SUPT5H: variants seen among roughly 807,000 people sequenced by gnomAD.
SUPT5H encodes SPT5 homolog, DSIF elongation factor subunit.
SUPT5H carries 24 observed loss-of-function variants against 142.5 expected under a neutral mutation model. The ratio of observed to expected loss-of-function variants is 0.17; its 90% CI spans 0.12 to 0.24. The LOEUF (loss-of-function observed/expected upper bound fraction) is 0.24. Ranked by LOEUF, SUPT5H falls within the 10% of genes least tolerant of loss-of-function variation. The probability of loss-of-function intolerance (pLI) is 1.00; values close to 1 mark genes in which losing one functional copy is unlikely to be tolerated. For synonymous variants in SUPT5H, 546 were observed against 553.0 expected, an observed-to-expected ratio of 0.99 and a Z score of 0.18; for missense variants, 893 against 1,471.8, an observed-to-expected ratio of 0.61 and a Z score of 6.43.
At position 39,458,681 on chromosome 19, in the gene SUPT5H, G is replaced by C. The variant is rs962310896; in HGVS notation, c.320-137G>C. ...AGTAGGACAGAGTAGGGGATGAGGG[G>C]TTGGGATTTCCTCTGTGAGATGTCA... On this transcript the variant is annotated intron_variant, in intron 5 of 29. Transcript: ENST00000432763. The surrounding 1 kb of genome is among the most constrained non-coding windows in gnomAD (Gnocchi z 4.2). 4.8e-6 allele frequency: 4 copies of C among 827,850 alleles called. No individual in the cohort carries two copies. Among genetic ancestry groups the C allele is most frequent in the South Asian group, 1.8e-5 (1 of 55,744 alleles). The allele number at this position is 827,850 out of a possible 1,614,324, so 51.3% of individuals were successfully genotyped here. A position where few individuals can be genotyped will look rare whatever the true frequency, so the allele number is the denominator to read the frequency against.
In SUPT5H at chr19:39,468,847, G is replaced by C. The variant is rs996288453; in HGVS notation, c.1129G>C (p.Ala377Pro). ...SRKGFLFKSF[A>P]MSAVITEGVK... is the part of the protein sequence containing the mutation. ...GAAGGGCTTTCTGTTCAAGAGCTTC[G>C]CCATGTCTGCTGTGGTGAGGGTCCC... is the stretch of plus-strand genomic sequence containing the variant. Residue 377 changes from alanine (A) to proline (P), a missense_variant, in exon 14 of 30, where the codon GCC (alanine) becomes CCC (proline). Around this residue, in one of 6 missense-constraint regions of SUPT5H, gnomAD observed 428 missense variants for 763.5 expected, o/e 0.56. Coordinates refer to ENST00000432763, the MANE Select transcript of SUPT5H (RefSeq NM_001111020.3). The C allele has an allele frequency of 6.2e-7, 1 of 1,614,100 alleles. No individual in the cohort carries two copies. Among genetic ancestry groups the C allele is most frequent in the South Asian group, 1.1e-5 (1 of 91,078 alleles).
At chr19:39,452,420 T>G (rs1282247773) in intron 2 of SUPT5H, among the ~76,000 whole-genome samples, 2 of 151,866 alleles carry the variant, frequency 1.3e-5, no homozygotes, top group East Asian at 3.9e-4. Flanking sequence ...TGATGTCAGA[T>G]TTGAAGGGGT....
rs1450818975 is a variant in SUPT5H at position 39,472,491 on chromosome 19, G to C, written c.2033G>C (p.Gly678Ala). The C allele has an allele frequency of 1.2e-6, 2 of 1,613,982 alleles. No individual in the cohort carries two copies. Among genetic ancestry groups the C allele is most frequent in the East Asian group, 4.5e-5 (2 of 44,894 alleles). ...RISSPMHPSA[G>A]GQRGGFGSPG... ...AGCAGCCCCATGCACCCCAGTGCTGGAGGTGAGAGGGGTTCAGGGTCAGGG... is the reference window on the plus strand; with the variant it reads ...AGCAGCCCCATGCACCCCAGTGCTGCAGGTGAGAGGGGTTCAGGGTCAGGG... Residue 678 changes from glycine (G) to alanine (A), a missense_variant and splice_region_variant, in exon 21 of 30, where the codon GGA becomes GCA. By Grantham distance (60) the Gly-to-Ala change is moderately conservative. Transcript: ENST00000432763. This position sits in a 1 kb window ranked among gnomAD's most constrained non-coding sequence, Gnocchi z 4.2.
intron 9 of SUPT5H, 99 bp from the exon 10 acceptor site, chr19:39,459,793 T>C (rs1174702273): frequency 1.2e-5 from 17 of 1,397,590 alleles, no homozygotes; most frequent in Non-Finnish European, 1.7e-5. Flanking sequence ...TCTCCTCTCT[T>C]GGTCCTACTT....
intron 2 of SUPT5H, among the ~76,000 whole-genome samples, chr19:39,449,343 AGG>A (rs1466306576): frequency 6.6e-6 from 1 of 152,136 alleles, no homozygotes; most frequent in African/African-American, 2.4e-5. Flanking sequence ...ACTGATGACA[AGG>A]TTCCTAGAAA....
chr19:39,457,966 T>G, intron 4 of SUPT5H: 1 of 870,418 alleles, frequency 1.1e-6, no homozygotes, highest in Non-Finnish European at 1.8e-6. Context: ...GAGAGGACTC[T>G]GGGATCCCAG....
Position 39,474,762 on chromosome 19 carries a change from TG to T in SUPT5H, c.3024+46del. 6.4e-7 allele frequency: 1 copy of T among 1,559,722 alleles called. No homozygotes were observed. ...GGTGGGTGAGCAGGCATCCTCTCCT[TG>T]GTACCCCCTAAACTGGAGACAGACC... On this transcript the variant is annotated intron_variant, in intron 28 of 29. Coordinates refer to ENST00000432763, the MANE Select transcript of SUPT5H (RefSeq NM_001111020.3). The surrounding 1 kb of genome is among the most constrained non-coding windows in gnomAD (Gnocchi z 6.5).
At position 39,464,821 on chromosome 19, in the gene SUPT5H, G is replaced by A. The variant is rs559084179; in HGVS notation, c.648G>A (p.Val216=). ...TDTPLQIKSV[V]APEHVKGYIY... ...AGCCCCTGCAGATCAAGTCAGTAGT[G>A]GCACCAGAGCATGTGAAGGGCTACA... Residue 216 remains valine (V), a synonymous_variant, in exon 11 of 30, where the codon GTG becomes GTA. Coordinates refer to ENST00000432763, the MANE Select transcript of SUPT5H (RefSeq NM_001111020.3). The A allele has an allele frequency of 3.0e-5, 49 of 1,612,050 alleles. 1 individual carries two copies. The Admixed American group carries it at 7.2e-4, about 24-fold the overall frequency.
rs767416240 is a variant in SUPT5H, at chr19:39,464,869, G to C, written c.696G>C (p.Gln232His). 1 of 1,614,204 alleles carries C rather than the reference G, an allele frequency of 6.2e-7. No homozygotes were observed. Among genetic ancestry groups the C allele is most frequent in the Non-Finnish European group, 8.5e-7 (1 of 1,180,038 alleles). ...KGYIYVEAYK[Q>H]THVKQAIEGV... ...ACATCTACGTGGAGGCCTACAAGCAGACCCACGTGAAGCAGGCCATTGAGG... is the reference window on the plus strand; with the variant it reads ...ACATCTACGTGGAGGCCTACAAGCACACCCACGTGAAGCAGGCCATTGAGG... Residue 232 changes from glutamine (Q) to histidine (H), a missense_variant, in exon 11 of 30, where the codon CAG (glutamine) becomes CAC (histidine). This residue lies in a region of SUPT5H where 428 missense variants were observed against 763.5 expected (regional missense o/e 0.56). Transcript: ENST00000432763.
At position 39,453,418 on chromosome 19, in the gene SUPT5H, G is replaced by A; in HGVS notation, c.138G>A (p.Glu46=). 5 of 1,588,736 alleles carry A rather than the reference G, an allele frequency of 3.1e-6. No homozygotes were observed. The South Asian group carries it at 3.4e-5, about 11-fold the overall frequency. The change falls in exon 3 of 30, where the codon GAG becomes GAA. Residue 46 remains glutamate, a synonymous_variant. Transcript: ENST00000432763. ...AAGAAGAAGAGCCTGAGGACGAAGA[G>A]GAGGAGGAAGAGGAGGAGGAATACG... is the stretch of plus-strand genomic sequence containing the variant. ...SEKEEEPEDE[E]EEEEEEEYDE...
In SUPT5H at chr19:39,473,215, C is replaced by T; in HGVS notation, c.2271C>T (p.Arg757=). 1 of 1,612,646 alleles carries T rather than the reference C, an allele frequency of 6.2e-7. No individual in the cohort carries two copies. The highest frequency in any genetic ancestry group is 8.5e-7 in the Non-Finnish European group (1 of 1,179,926). The change falls in exon 24 of 30, where the codon CGC becomes CGT. Residue 757 remains arginine (R), a synonymous_variant. Coordinates refer to ENST00000432763, the MANE Select transcript of SUPT5H (RefSeq NM_001111020.3). This position sits in a 1 kb window ranked among gnomAD's most constrained non-coding sequence, Gnocchi z 5.8. The part of the protein sequence containing the change: ...RQRLTTVGSR[R]PGGMTSTYGR... ...TCTGCGTCCCCAGGGGCTCACGGCG[C>T]CCGGGCGGCATGACCTCGACCTATG...
Position 39,470,563 on chromosome 19 carries a change from G to A in SUPT5H, c.1677+40G>A, listed in dbSNP as rs778644230. ...CTCTGTGGCGGGGACTTGCTTTTAG[G>A]AGGCTTCCTGTCCCTCAACCCCTCA... On this transcript the variant is annotated intron_variant, in intron 18 of 29. Transcript: ENST00000432763. This position sits in a 1 kb window ranked among gnomAD's most constrained non-coding sequence, Gnocchi z 5.8. 6.8e-7 allele frequency: 1 copy of A among 1,480,010 alleles called. No individual in the cohort carries two copies. The highest frequency in any genetic ancestry group is 1.4e-5 in the African/African-American group (1 of 70,258). 91.7% of individuals were successfully genotyped at this position (1,480,010 alleles called of 1,614,324 possible).
chr19:39,449,243 T>C (rs2078990398), intron 2 of SUPT5H, among the ~76,000 whole-genome samples: 1 of 151,834 alleles, frequency 6.6e-6, no homozygotes, highest in African/African-American at 2.4e-5. Context: ...ATCCAAGCCC[T>C]GAGGTGAGCA....
intron 3 of SUPT5H, among the ~76,000 whole-genome samples, chr19:39,457,441 G>A (rs1410116314): frequency 6.6e-6 from 1 of 152,180 alleles, no homozygotes; most frequent in African/African-American, 2.4e-5. Flanking sequence ...TGGGAGTGGA[G>A]TAAGGAGAGG....
chr19:39,466,414 C>G lies in SUPT5H; in HGVS notation c.877-66C>G. 1 of 1,456,228 alleles carries G rather than the reference C, an allele frequency of 6.9e-7. No homozygotes were observed. The highest frequency in any genetic ancestry group is 9.6e-7 in the Non-Finnish European group (1 of 1,039,052). The allele number at this position is 1,456,228 out of a possible 1,614,324, so 90.2% of individuals were successfully genotyped here. A position where few individuals can be genotyped will look rare whatever the true frequency, so the allele number is the denominator to read the frequency against. On this transcript the variant is annotated intron_variant, in intron 11 of 29. Transcript: ENST00000432763. This position sits in a 1 kb window ranked among gnomAD's most constrained non-coding sequence, Gnocchi z 4.3. ...CCTTCTCCTTCCTAGCATCTCCTGA[C>G]CCTTCTTGTGTCTGGGGTCAGGGAG...
Position 39,472,318 on chromosome 19 carries a change from C to T in SUPT5H, c.1951-91C>T, listed in dbSNP as rs1231890868. The stretch of plus-strand genomic sequence containing the variant: ...TGGGGTGTGGGTGGCTGGGTGGTCT[C>T]CTCAGGGCCCTGCACGTGGGATGAT... On this transcript the variant is annotated intron_variant, in intron 20 of 29. Transcript: ENST00000432763. The surrounding 1 kb of genome is among the most constrained non-coding windows in gnomAD (Gnocchi z 4.2). The T allele has an allele frequency of 2.3e-6, 3 of 1,307,398 alleles. No individual in the cohort carries two copies. Among genetic ancestry groups the T allele is most frequent in the Non-Finnish European group, 3.3e-6 (3 of 910,320 alleles). 81.0% of individuals were successfully genotyped at this position (1,307,398 alleles called of 1,614,324 possible).
At position 39,458,870 on chromosome 19, in the gene SUPT5H, C is replaced by T. The variant is rs760163071; in HGVS notation, c.372C>T (p.Arg124=). 16 of 1,613,800 alleles carry T rather than the reference C, an allele frequency of 9.9e-6. No individual in the cohort carries two copies. The highest frequency in any genetic ancestry group is 1.3e-5 in the Non-Finnish European group (15 of 1,179,788). Residue 124 remains arginine, a synonymous_variant, in exon 6 of 30, where the codon CGC becomes CGT. Transcript: ENST00000432763. The surrounding 1 kb of genome is among the most constrained non-coding windows in gnomAD (Gnocchi z 4.2). Reference sequence around the variant, plus strand: ...ATGAAGATCGTTCTGGGGCTCGCCGCCTGCAAAACCTCTGGAGGTGGGCAA... The same window carrying T: ...ATGAAGATCGTTCTGGGGCTCGCCGTCTGCAAAACCTCTGGAGGTGGGCAA... ...VLDEDRSGAR[R]LQNLWRDQRE... is the part of the protein sequence containing the mutation.
chr19:39,457,820 C>T (rs1460320588), intron 4 of SUPT5H, 80 bp downstream of exon 4: 5 of 1,600,254 alleles, frequency 3.1e-6, no homozygotes, highest in Non-Finnish European at 4.3e-6. Context: ...CCCCCGACCC[C>T]CGCATCCCCT....
At chr19:39,468,431 ATTC>A in intron 13 of SUPT5H, 1 of 390,616 alleles carries the variant, frequency 2.6e-6, no homozygotes, top group South Asian at 2.8e-5. Context: ...ACTGGGCACT[ATTC>A]TTGGTGAAAT....
Sources: gnomAD v4.1 joint callset for allele counts (sites outside exome capture counted in the v4.1 genomes callset) on GRCh38, gnomAD v4.1.1 for gene constraint, gnomAD v4.1.1 regional missense constraint, Gnocchi (gnomAD v3.1) non-coding constraint, MANE v1.5 for transcripts, NCBI Gene and HGNC (gene_info 2026-07-23, HGNC 2026-07-21) for gene names.